The following MXRA7 variants were observed in gnomAD, a reference collection of about 807,000 sequenced individuals.
MXRA7 encodes the protein matrix-remodeling-associated protein 7.
In MXRA7, 18 loss-of-function variants were observed where a neutral mutation model predicts 17.4. The observed-to-expected ratio is 1.03, with a 90% confidence interval of 0.71 to 1.53. The LOEUF (loss-of-function observed/expected upper bound fraction) is 1.53. MXRA7 is among the 40% of genes most tolerant of loss of function. The probability of loss-of-function intolerance (pLI) is 0.00; values close to 1 mark genes in which losing one functional copy is unlikely to be tolerated. For synonymous variants in MXRA7, 70 were observed against 101.7 expected (o/e 0.69, Z 1.87); for missense variants, 141 against 209.3 (o/e 0.67, Z 2.01).
At chr17:76,698,422 G>A (rs2076557590) in intron 1 of MXRA7, among the ~76,000 whole-genome samples, 2 of 151,848 alleles carry the variant, frequency 1.3e-5, no homozygotes, top group African/African-American at 4.8e-5. Context: ...GGTGGGCAGG[G>A]AGGGCAGGCT....
chr17:76,705,172 G>A (rs1267551545), intron 1 of MXRA7, among the ~76,000 whole-genome samples: 1 of 152,148 alleles, frequency 6.6e-6, no homozygotes, highest in Non-Finnish European at 1.5e-5. Flanking sequence ...AATTCTAGCT[G>A]ACATTAGTCT....
intron 1 of MXRA7, among the ~76,000 whole-genome samples, chr17:76,698,940 TG>T (rs1352503428): frequency 6.6e-6 from 1 of 151,952 alleles, no homozygotes; most frequent in Non-Finnish European, 1.5e-5. Context: ...AGGCTGGTCT[TG>T]AACTCCTGAC....
intron 3 of MXRA7, among the ~76,000 whole-genome samples, chr17:76,682,256 T>C (rs577758706): frequency 6.6e-6 from 1 of 152,188 alleles, no homozygotes; most frequent in Admixed American, 6.5e-5. Context: ...TGCAGATCTG[T>C]TGGCTGAGCT....
At chr17:76,673,271 ACTT>A (rs2076215849) in exon 4 of MXRA7, 1 of 152,222 alleles carries the variant, frequency 6.6e-6, no homozygotes, top group African/African-American at 2.4e-5. Context: ...AAAGGAAACA[ACTT>A]CTACTTTCTT....
intron 1 of MXRA7, among the ~76,000 whole-genome samples, chr17:76,701,362 G>A (rs1287199115): frequency 6.6e-6 from 1 of 151,906 alleles, no homozygotes; most frequent in African/African-American, 2.4e-5. Flanking sequence ...AGCGTCGGGG[G>A]GGTGGATCCG....
chr17:76,700,593 G>T (rs1429132627), intron 1 of MXRA7, among the ~76,000 whole-genome samples: 1 of 152,200 alleles, frequency 6.6e-6, no homozygotes, highest in East Asian at 1.9e-4. Flanking sequence ...AGCCCACAGC[G>T]ATTTCTGTTC....
intron 1 of MXRA7, among the ~76,000 whole-genome samples, chr17:76,701,053 G>A (rs769456160): frequency 1.4e-4 from 22 of 152,078 alleles, no homozygotes; most frequent in Non-Finnish European, 3.2e-4. Context: ...GCTGTGGGAA[G>A]TTTGGAATTG....
rs566948897 is a variant in MXRA7 at position 76,704,285 on chromosome 17, A to C, written c.342+6320T>G. 1.0e-4 allele frequency among the ~76,000 whole-genome samples: 14 copies of C among 133,992 alleles called. No homozygotes were observed. The South Asian group carries it at 3.7e-3, about 35-fold the overall frequency. The allele number at this position is 133,992 out of a possible 152,430, so 87.9% of individuals were successfully genotyped here. A position where few individuals can be genotyped will look rare whatever the true frequency, so the allele number is the denominator to read the frequency against. On this transcript the variant is annotated intron_variant, in intron 1 of 3. Transcript: ENST00000449428. Reference sequence around the variant, plus strand: ...CAGTGGTGCGATCTCAGCTCACTGCAAGCTCCACCTCCCGGGTTCACGCCA... The same window carrying C: ...CAGTGGTGCGATCTCAGCTCACTGCCAGCTCCACCTCCCGGGTTCACGCCA...
chr17:76,680,357 T>TG lies in MXRA7; in HGVS notation c.*509dup. 1 of 985,448 alleles carries TG rather than the reference T, an allele frequency of 1.0e-6. No homozygotes were observed. 61.0% of individuals were successfully genotyped at this position (985,448 alleles called of 1,614,324 possible). A position where few individuals can be genotyped will look rare whatever the true frequency, so the allele number is the denominator to read the frequency against. ...CAACCAAGCCAGCCACAGAGAGAAG[T>TG]GGGGTTCCCAGGGAAAGGGGTCGGC... On this transcript the variant is annotated 3_prime_UTR_variant, in exon 4 of 4. Transcript: ENST00000449428.
exon 4 of MXRA7, chr17:76,672,693 G>C (rs78195491): frequency 9.7e-6 from 1 of 103,404 alleles, no homozygotes; most frequent in Non-Finnish European, 1.8e-5. Context: ...AGCTGACTCT[G>C]TGGCGTTAAG....
At chr17:76,673,317 C>A (rs1438826614) in exon 4 of MXRA7, 1 of 152,260 alleles carries the variant, frequency 6.6e-6, no homozygotes, top group African/African-American at 2.4e-5. Context: ...TGCCACCTCT[C>A]CTGCAGTGAG....
At chr17:76,677,994 T>G (rs2076255267), downstream of MXRA7, among the ~76,000 whole-genome samples, 1 of 152,144 alleles carries the variant, frequency 6.6e-6, no homozygotes, top group South Asian at 2.1e-4. Flanking sequence ...AGTTTCCCTT[T>G]GGGCCTCATT....
chr17:76,685,832 C>T (rs1005543928), intron 2 of MXRA7, among the ~76,000 whole-genome samples: 7 of 152,282 alleles, frequency 4.6e-5, no homozygotes, highest in Admixed American at 1.3e-4. Flanking sequence ...ACACAGGCTC[C>T]GGGCACATGA....
intron 1 of MXRA7, among the ~76,000 whole-genome samples, chr17:76,706,260 G>A (rs1172964070): frequency 5.0e-5 from 6 of 119,714 alleles, no homozygotes; most frequent in East Asian, 2.5e-4. Context: ...TGCCATCACA[G>A]AGGCCCACGC....
At chr17:76,679,343 C>T (rs537313405), downstream of MXRA7, among the ~76,000 whole-genome samples, 1 of 151,390 alleles carries the variant, frequency 6.6e-6, no homozygotes, top group South Asian at 2.1e-4. Context: ...AAAGGATGTG[C>T]TGAGCTCTGT....
chr17:76,707,291 CTTTTTTTTTTTTTTTTTTTT>C (rs56067261), intron 1 of MXRA7, among the ~76,000 whole-genome samples: 19 of 96,092 alleles, frequency 2.0e-4, no homozygotes, highest in African/African-American at 9.0e-4. Flanking sequence ...AGTCCCTACT[CTTTTTTTTTTTTTTTTTTTT>C]TTTTTTTTTT....
chr17:76,698,136 AGC>A (rs977500596), intron 1 of MXRA7, among the ~76,000 whole-genome samples: 7 of 152,162 alleles, frequency 4.6e-5, no homozygotes, highest in Non-Finnish European at 8.8e-5. Context: ...TTTAGAGGAC[AGC>A]GGCTCCAGGA....
At chr17:76,694,717 C>T (rs2076514386) in intron 1 of MXRA7, among the ~76,000 whole-genome samples, 1 of 152,096 alleles carries the variant, frequency 6.6e-6, no homozygotes, top group South Asian at 2.1e-4. Flanking sequence ...TCCCTAGTAC[C>T]TGGGACTACA....
downstream of MXRA7, among the ~76,000 whole-genome samples, chr17:76,677,889 G>A (rs753879080): frequency 1.3e-5 from 2 of 152,142 alleles, no homozygotes; most frequent in East Asian, 1.9e-4. Flanking sequence ...TCTGACACAC[G>A]CAACTTTTGA....
Sources: gnomAD v4.1 joint callset for allele counts (sites outside exome capture counted in the v4.1 genomes callset) on GRCh38, gnomAD v4.1.1 for gene constraint, MANE v1.5 for transcripts, NCBI Gene and HGNC (gene_info 2026-07-23, HGNC 2026-07-21) for gene names.